DLG2: variants seen among roughly 807,000 people sequenced by gnomAD.
DLG2 encodes the protein discs large MAGUK scaffold protein 2.
Under a neutral mutation model 132.5 loss-of-function variants are expected in DLG2, and 45 were observed. The ratio of observed to expected loss-of-function variants is 0.34; its 90% confidence interval spans 0.27 to 0.44. The LOEUF (loss-of-function observed/expected upper bound fraction) is 0.44, where lower values mean the gene tolerates loss of function less well. DLG2 is among the 20% of genes least tolerant of loss of function. The pLI, the probability that DLG2 is intolerant of heterozygous loss-of-function variation, is 1.00. For missense variants in DLG2, 1,045 were observed against 1,196.9 expected, an observed-to-expected ratio of 0.87 and a Z score of 1.87; for synonymous variants, 424 against 419.6, an observed-to-expected ratio of 1.01 and a Z score of -0.13.
chr11:83,636,740 G>A (rs1376457489), intron 18 of DLG2, among the ~76,000 whole-genome samples: 3 of 152,080 alleles, frequency 2.0e-5, no homozygotes, highest in African/African-American at 7.2e-5. Context: ...TTGCCTTACA[G>A]TATGGCTTAT....
In DLG2 at chr11:85,483,521, C is replaced by T. The variant is rs183812922; in HGVS notation, c.40+115136G>A. Among the ~76,000 whole-genome samples, 153 of 151,990 alleles carry T rather than the reference C, an allele frequency of 1.0e-3. 1 individual carries two copies. Among genetic ancestry groups the T allele is most frequent in the African/African-American group, 3.5e-3 (146 of 41,456 alleles). On this transcript the variant is annotated intron_variant, in intron 3 of 27. Coordinates refer to ENST00000376104, the MANE Select transcript of DLG2 (RefSeq NM_001142699.3). The stretch of plus-strand genomic sequence containing the variant: ...GAAAAGGATGCTAATTAATAAGTAA[C>T]GCAAAAACAACTAAAAGCATAAAAC...
At chr11:85,196,158 C>A (rs191833774) in intron 4 of DLG2, among the ~76,000 whole-genome samples, 2 of 152,276 alleles carry the variant, frequency 1.3e-5, no homozygotes, top group Admixed American at 6.5e-5. Context: ...GTTGTAAAAT[C>A]AGTGACAAAT....
At position 85,351,103 on chromosome 11, in the gene DLG2, T is replaced by A. The variant is rs145852342; in HGVS notation, c.41-65738A>T. ...ATTTCGTTGAGCAGTGGTTTGTAGT[T>A]CTCCTTGAAGAGGTCCTTCACATCC... On this transcript the variant is annotated intron_variant, in intron 3 of 27. Coordinates refer to ENST00000376104, the MANE Select transcript of DLG2 (RefSeq NM_001142699.3). Among the ~76,000 whole-genome samples, 410 of 152,304 alleles carry A rather than the reference T, an allele frequency of 2.7e-3. 8 individuals are homozygous for A. In the East Asian group the frequency reaches 0.058, roughly 22 times the overall value.
chr11:83,751,391 T>C (rs910398112), intron 18 of DLG2, among the ~76,000 whole-genome samples: 7 of 152,086 alleles, frequency 4.6e-5, no homozygotes, highest in African/African-American at 1.2e-4. Context: ...ACTTTGGCTT[T>C]TGCTCTGGGT....
chr11:84,856,158 T>C (rs1050881596), intron 6 of DLG2, among the ~76,000 whole-genome samples: 4 of 152,112 alleles, frequency 2.6e-5, no homozygotes, highest in South Asian at 2.1e-4. Flanking sequence ...CTCATTGTCC[T>C]CTCTAGGGCC....
chr11:85,566,148 T>G (rs1353988162), intron 3 of DLG2, among the ~76,000 whole-genome samples: 2 of 152,218 alleles, frequency 1.3e-5, no homozygotes, highest in African/African-American at 4.8e-5. Flanking sequence ...TTTGTATATC[T>G]TTTTAGGAAA....
chr11:85,267,471 G>C (rs2077283558), intron 4 of DLG2, among the ~76,000 whole-genome samples: 2 of 152,156 alleles, frequency 1.3e-5, no homozygotes, highest in African/African-American at 4.8e-5. Context: ...TGAGGACAGA[G>C]ATCTGATCTC....
intron 16 of DLG2, among the ~76,000 whole-genome samples, chr11:83,867,897 C>T (rs1001878714): frequency 2.6e-5 from 4 of 151,744 alleles, no homozygotes; most frequent in Admixed American, 2.0e-4. Context: ...ATATTTTAAG[C>T]GCTACACATG....
intron 7 of DLG2, among the ~76,000 whole-genome samples, chr11:84,445,613 T>C (rs990910790): frequency 1.3e-5 from 2 of 152,116 alleles, no homozygotes; most frequent in African/African-American, 4.8e-5. Context: ...ATCTGATTAT[T>C]TATAAAATAA....
chr11:85,450,674 C>G (rs1397218305), intron 3 of DLG2, among the ~76,000 whole-genome samples: 2 of 152,168 alleles, frequency 1.3e-5, no homozygotes, highest in Non-Finnish European at 2.9e-5. Flanking sequence ...CAACCAACCC[C>G]AATCTGGGGC....
chr11:83,928,997 T>C (rs2079592746), intron 15 of DLG2, among the ~76,000 whole-genome samples: 1 of 152,192 alleles, frequency 6.6e-6, no homozygotes, highest in Non-Finnish European at 1.5e-5. Context: ...ATAGTTTTAA[T>C]GATTTGTTAA....
intron 19 of DLG2, among the ~76,000 whole-genome samples, chr11:83,577,314 A>T (rs1045462688): frequency 2.7e-5 from 4 of 150,168 alleles, no homozygotes; most frequent in African/African-American, 9.8e-5. Flanking sequence ...GAATATATAT[A>T]TATCTTATTA....
rs1019114686 is a variant in DLG2, at chr11:84,990,696, C to T, written c.357+120965G>A. On this transcript the variant is annotated intron_variant, in intron 6 of 27. Transcript: ENST00000376104. ...TTAAAATTCATAAAATAAGAAGTAGCGACAGCACTAAATGCTGGAAAGAAT... is the reference window on the plus strand; with the variant it reads ...TTAAAATTCATAAAATAAGAAGTAGTGACAGCACTAAATGCTGGAAAGAAT... Among the ~76,000 whole-genome samples the T allele has an allele frequency of 2.0e-4, 24 of 117,136 alleles. 1 individual carries two copies. Among genetic ancestry groups the T allele is most frequent in the Non-Finnish European group, 3.7e-5 (2 of 54,582 alleles). The allele number at this position is 117,136 out of a possible 152,430, so 76.8% of individuals were successfully genotyped here.
chr11:83,731,705 A>G (rs2091042889), intron 18 of DLG2, among the ~76,000 whole-genome samples: 1 of 152,210 alleles, frequency 6.6e-6, no homozygotes, highest in African/African-American at 2.4e-5. Context: ...TCCTTGAGAA[A>G]TCACCACACT....
At chr11:83,831,460 C>T (rs368900473) in intron 17 of DLG2, among the ~76,000 whole-genome samples, 11 of 151,760 alleles carry the variant, frequency 7.2e-5, no homozygotes, top group African/African-American at 2.4e-4. Flanking sequence ...TGCAAATTTC[C>T]GGACACCTTA....
intron 6 of DLG2, among the ~76,000 whole-genome samples, chr11:84,778,275 T>A (rs1479638428): frequency 1.3e-5 from 2 of 152,172 alleles, no homozygotes; most frequent in Non-Finnish European, 2.9e-5. Flanking sequence ...GTTATGTGGC[T>A]TCATTTCTGG....
intron 16 of DLG2, among the ~76,000 whole-genome samples, chr11:83,851,703 C>T (rs933200570): frequency 3.7e-4 from 55 of 149,564 alleles, no homozygotes; most frequent in African/African-American, 1.2e-3. Context: ...GGGTGGATCA[C>T]GAGGTCGGGA....
chr11:84,736,196 T>A (rs1344574054), intron 6 of DLG2, among the ~76,000 whole-genome samples: 1 of 152,004 alleles, frequency 6.6e-6, no homozygotes, highest in Non-Finnish European at 1.5e-5. Flanking sequence ...CTTATATGTA[T>A]GGTTTAATTT....
At chr11:85,538,272 C>A (rs1388759688) in intron 3 of DLG2, among the ~76,000 whole-genome samples, 2 of 151,976 alleles carry the variant, frequency 1.3e-5, no homozygotes, top group Non-Finnish European at 2.9e-5. Context: ...GTTACTGTAA[C>A]CTTTCTATGT....
Sources: allele counts gnomAD v4.1 joint callset (sites outside exome capture counted in the v4.1 genomes callset), GRCh38; gene constraint gnomAD v4.1.1; transcripts MANE v1.5; gene names NCBI Gene and HGNC (gene_info 2026-07-23, HGNC 2026-07-21).